The following FAM193A variants were observed in gnomAD, a reference collection of about 807,000 sequenced individuals.
FAM193A encodes the protein protein FAM193A.
In FAM193A, 22 loss-of-function variants were observed where a neutral mutation model predicts 126.5. That is an observed-to-expected ratio of 0.17 (90% CI 0.12 to 0.25). The LOEUF is 0.25. Ranked by LOEUF, FAM193A falls within the 10% of genes least tolerant of loss-of-function variation. The probability of loss-of-function intolerance (pLI) is 1.00; values close to 1 mark genes in which losing one functional copy is unlikely to be tolerated. For synonymous variants in FAM193A, 761 were observed against 646.8 expected (o/e 1.18, Z -2.68); for missense variants, 1,675 against 1,672.8 (o/e 1.00, Z -0.02).
chr4:2,603,667 G>A (rs1284824149), intron 2 of FAM193A, among the ~76,000 whole-genome samples: 10 of 151,666 alleles, frequency 6.6e-5, no homozygotes, highest in Admixed American at 2.0e-4. Context: ...CACCATGTTA[G>A]CCAGGATGGC....
intron 1 of FAM193A, among the ~76,000 whole-genome samples, chr4:2,556,643 C>T (rs926515481): frequency 3.3e-5 from 5 of 152,170 alleles, no homozygotes; most frequent in African/African-American, 1.2e-4. Context: ...GATCATGCCA[C>T]AGCACTCCCG....
intron 20 of FAM193A, among the ~76,000 whole-genome samples, chr4:2,719,747 A>C (rs1719910554): frequency 6.6e-6 from 1 of 150,380 alleles, no homozygotes; most frequent in African/African-American, 2.5e-5. Flanking sequence ...TCTCAAAAAA[A>C]AAAAAAAAAA....
At chr4:2,691,951 A>T (rs6605350) in intron 15 of FAM193A, among the ~76,000 whole-genome samples, 22 of 151,922 alleles carry the variant, frequency 1.4e-4, no homozygotes, top group Non-Finnish European at 2.5e-4. Flanking sequence ...AGCATGCTGC[A>T]CCCCCAGGGT....
intron 1 of FAM193A, among the ~76,000 whole-genome samples, chr4:2,571,868 C>T (rs1041974840): frequency 6.7e-6 from 1 of 149,030 alleles, no homozygotes; most frequent in Admixed American, 6.7e-5. Context: ...TTACTACTTT[C>T]TAAATCTTGG....
At chr4:2,547,000 T>C (rs1737602933) in intron 1 of FAM193A, among the ~76,000 whole-genome samples, 1 of 152,186 alleles carries the variant, frequency 6.6e-6, no homozygotes, top group Admixed American at 6.6e-5. Flanking sequence ...CCCAAGCTGG[T>C]CTCAAACTCC....
At chr4:2,696,987 T>G (rs1239424527) in intron 18 of FAM193A, among the ~76,000 whole-genome samples, 1 of 152,086 alleles carries the variant, frequency 6.6e-6, no homozygotes, top group Non-Finnish European at 1.5e-5. Flanking sequence ...GTCTTTGATA[T>G]GAGACTGGGG....
At chr4:2,540,883 C>T (rs1737191077) in intron 1 of FAM193A, among the ~76,000 whole-genome samples, 1 of 151,662 alleles carries the variant, frequency 6.6e-6, no homozygotes, top group African/African-American at 2.4e-5. Flanking sequence ...ATCACTTGAA[C>T]CTGGGAGACG....
At chr4:2,702,760 C>A (rs984021612) in intron 19 of FAM193A, among the ~76,000 whole-genome samples, 1 of 152,182 alleles carries the variant, frequency 6.6e-6, no homozygotes, top group Non-Finnish European at 1.5e-5. Flanking sequence ...GAAGTCCCTG[C>A]CCTTACCCGA....
At chr4:2,566,387 C>T (rs903000733) in intron 1 of FAM193A, among the ~76,000 whole-genome samples, 2 of 152,076 alleles carry the variant, frequency 1.3e-5, no homozygotes, top group African/African-American at 2.4e-5. Flanking sequence ...CTGTGATGAG[C>T]GTTTTGTAAA....
upstream of FAM193A, among the ~76,000 whole-genome samples, chr4:2,536,469 G>C (rs950690284): frequency 6.6e-6 from 1 of 151,354 alleles, no homozygotes; most frequent in Non-Finnish European, 1.5e-5. Flanking sequence ...CGGGCAGCAC[G>C]GACTTCAGTT....
intron 1 of FAM193A, among the ~76,000 whole-genome samples, chr4:2,553,412 C>G (rs1738066599): frequency 7.2e-6 from 1 of 139,116 alleles, no homozygotes; most frequent in Non-Finnish European, 1.5e-5. Flanking sequence ...GGCGGAGTCT[C>G]ACACTGTCGC....
intron 1 of FAM193A, among the ~76,000 whole-genome samples, chr4:2,544,971 A>AG (rs1284569957): frequency 6.6e-6 from 1 of 151,910 alleles, no homozygotes; most frequent in African/African-American, 2.4e-5. Flanking sequence ...ATCCTTTAAA[A>AG]GGATTTTGAC....
chr4:2,586,905 A>G (rs564311106), intron 1 of FAM193A, among the ~76,000 whole-genome samples: 21 of 152,202 alleles, frequency 1.4e-4, no homozygotes, highest in East Asian at 7.7e-4. Context: ...CTTTCACCCA[A>G]GCCTCCCAAA....
At chr4:2,562,236 C>G (rs1050775894) in intron 1 of FAM193A, among the ~76,000 whole-genome samples, 1 of 151,990 alleles carries the variant, frequency 6.6e-6, no homozygotes, top group East Asian at 1.9e-4. Context: ...TTGCTTGAGC[C>G]CAGGAGCTTG....
At chr4:2,681,012 G>A (rs1368991478) in intron 13 of FAM193A, among the ~76,000 whole-genome samples, 1 of 151,998 alleles carries the variant, frequency 6.6e-6, no homozygotes, top group Non-Finnish European at 1.5e-5. Context: ...GCTTTTTAGA[G>A]ATATGCTTGC....
chr4:2,593,577 T>A (rs1158710906), intron 1 of FAM193A, among the ~76,000 whole-genome samples: 1 of 152,256 alleles, frequency 6.6e-6, no homozygotes, highest in Non-Finnish European at 1.5e-5. Context: ...TCTTCACCAT[T>A]GTGCCCTCAG....
chr4:2,683,185 TG>T (rs1263112999), intron 13 of FAM193A, among the ~76,000 whole-genome samples: 7 of 152,246 alleles, frequency 4.6e-5, no homozygotes, highest in Non-Finnish European at 1.0e-4. Context: ...GCATGGTTTC[TG>T]ATTTCTGACA....
chr4:2,663,168 C>T lies in FAM193A; in HGVS notation c.1959C>T (p.Asp653=), dbSNP rs746242027. The change falls in exon 12 of 21, where the codon GAC becomes GAT. Residue 653 remains aspartate (D), a synonymous_variant. Coordinates refer to ENST00000637812, the MANE Select transcript of FAM193A (RefSeq NM_001366318.2). ...SSSEADDEEA[D]GESSGEPPGA... Reference sequence around the variant, plus strand: ...CAGAAGCTGATGATGAAGAAGCGGACGGCGAGAGTAGTGGGGAGCCCCCAG... The same window carrying T: ...CAGAAGCTGATGATGAAGAAGCGGATGGCGAGAGTAGTGGGGAGCCCCCAG... 111 of 1,613,924 alleles carry T rather than the reference C, an allele frequency of 6.9e-5. No individual in the cohort carries two copies. The highest frequency in any genetic ancestry group is 8.9e-5 in the Non-Finnish European group (105 of 1,179,986).
chr4:2,615,839 T>G (rs565234700), intron 2 of FAM193A, among the ~76,000 whole-genome samples: 1 of 145,988 alleles, frequency 6.8e-6, no homozygotes, highest in Non-Finnish European at 1.5e-5. Context: ...TTAGACAGAG[T>G]CTCAGTCTGT....
Sources: allele counts gnomAD v4.1 joint callset (sites outside exome capture counted in the v4.1 genomes callset), GRCh38; gene constraint gnomAD v4.1.1; transcripts MANE v1.5; gene names NCBI Gene and HGNC (gene_info 2026-07-23, HGNC 2026-07-21).